KLRG1: variants seen among roughly 807,000 people sequenced by gnomAD.
KLRG1 encodes killer cell lectin like receptor G1, also known as killer cell lectin-like receptor subfamily G member 1.
Under a neutral mutation model 21.8 loss-of-function variants are expected in KLRG1, and 16 were observed. The ratio of observed to expected loss-of-function variants is 0.73; its 90% CI spans 0.50 to 1.11. The LOEUF is 1.11. Among genes scored for constraint, KLRG1 ranks in the 50% most tolerant of loss-of-function variants. The pLI, the probability that KLRG1 is intolerant of heterozygous loss-of-function variation, is 0.00. For synonymous variants in KLRG1, 69 were observed against 75.9 expected (o/e 0.91, Z 0.47); for missense variants, 173 against 218.3 (o/e 0.79, Z 1.31).
the KLRG1 span, chr12:9,160,339 G>C: frequency 2.5e-6 from 4 of 1,613,718 alleles, no homozygotes; most frequent in East Asian, 6.7e-5. Flanking sequence ...CAACGGCCTT[G>C]GCCTTGATCT....
chr12:9,016,909 C>T, the KLRG1 span, among the ~76,000 whole-genome samples: 1 of 152,044 alleles, frequency 6.6e-6, no homozygotes, highest in African/African-American at 2.4e-5. Flanking sequence ...ACACTGTGCC[C>T]AGCCCTCAAA....
chr12:9,147,463 C>T, the KLRG1 span, among the ~76,000 whole-genome samples: 1 of 152,122 alleles, frequency 6.6e-6, no homozygotes, highest in Non-Finnish European at 1.5e-5. Flanking sequence ...TGTTTTTTAG[C>T]CTCTCATAAG....
the KLRG1 span, chr12:9,090,515 G>A: frequency 6.2e-7 from 1 of 1,608,002 alleles, no homozygotes. Flanking sequence ...GAGTAGAGAG[G>A]GAAGGAGAAC....
chr12:9,013,256 C>G (rs118101331), downstream of KLRG1, among the ~76,000 whole-genome samples: 43 of 152,256 alleles, frequency 2.8e-4, no homozygotes, highest in East Asian at 7.5e-3. Flanking sequence ...AGGATGGGTA[C>G]AAACAAACCC....
At chr12:8,950,420 A>G (rs958255503) in intron 1 of KLRG1, among the ~76,000 whole-genome samples, 1 of 152,182 alleles carries the variant, frequency 6.6e-6, no homozygotes, top group Non-Finnish European at 1.5e-5. Flanking sequence ...GATCTTTTGT[A>G]GGTTCCTTAT....
chr12:9,077,006 C>T, the KLRG1 span: 23 of 1,417,286 alleles, frequency 1.6e-5, no homozygotes, highest in Middle Eastern at 2.6e-4. Context: ...GGCAAATACA[C>T]GGATCACAGC....
At chr12:8,954,071 A>G (rs1946248896) in intron 1 of KLRG1, among the ~76,000 whole-genome samples, 1 of 152,042 alleles carries the variant, frequency 6.6e-6, no homozygotes, top group Non-Finnish European at 1.5e-5. Context: ...TGTCCATATG[A>G]TTTTTTGAGG....
At chr12:9,024,018 A>ATTTTTTTTT in the KLRG1 span, among the ~76,000 whole-genome samples, 22 of 70,936 alleles carry the variant, frequency 3.1e-4, 4 homozygotes, top group African/African-American at 1.1e-3. Flanking sequence ...GAACACATGG[A>ATTTTTTTTT]TTTTTTTTTT....
the KLRG1 span, among the ~76,000 whole-genome samples, chr12:9,081,362 G>A: frequency 2.0e-5 from 3 of 152,108 alleles, no homozygotes; most frequent in Non-Finnish European, 2.9e-5. Flanking sequence ...CTATGGAAAT[G>A]TATCCTGGTG....
At chr12:9,207,150 T>C in the KLRG1 span, among the ~76,000 whole-genome samples, 1 of 152,170 alleles carries the variant, frequency 6.6e-6, no homozygotes, top group East Asian at 1.9e-4. Flanking sequence ...CTATTTGTGT[T>C]AGATGGATAA....
At chr12:9,077,296 T>G in the KLRG1 span, 1 of 1,527,622 alleles carries the variant, frequency 6.5e-7, no homozygotes, top group Non-Finnish European at 9.0e-7. Flanking sequence ...GGTCAGCAGT[T>G]TCATTGCATC....
the KLRG1 span, among the ~76,000 whole-genome samples, chr12:9,174,061 C>A: frequency 6.6e-6 from 1 of 152,124 alleles, no homozygotes; most frequent in Non-Finnish European, 1.5e-5. Flanking sequence ...TGATGAACAT[C>A]GATGCAAAAA....
At chr12:9,162,238 A>T in the KLRG1 span, 1 of 175,760 alleles carries the variant, frequency 5.7e-6, no homozygotes, top group Non-Finnish European at 1.2e-5. Context: ...CTGGGATTAC[A>T]AATGTGAGCC....
the KLRG1 span, among the ~76,000 whole-genome samples, chr12:9,107,257 G>T: frequency 1.3e-5 from 2 of 152,088 alleles, no homozygotes; most frequent in African/African-American, 2.4e-5. Context: ...GAGGTGTATG[G>T]TTTTTTCCTT....
the KLRG1 span, chr12:9,192,123 T>G: frequency 7.6e-7 from 1 of 1,319,548 alleles, no homozygotes; most frequent in African/African-American, 1.4e-5. Context: ...TTCCCATTTA[T>G]GAACTGTCAC....
At chr12:9,060,064 G>A in the KLRG1 span, among the ~76,000 whole-genome samples, 1 of 142,118 alleles carries the variant, frequency 7.0e-6, no homozygotes, top group Non-Finnish European at 1.5e-5. Context: ...GAGTGCAGTG[G>A]CGTGATCTCG....
chr12:9,195,079 C>T, the KLRG1 span, among the ~76,000 whole-genome samples: 1 of 151,764 alleles, frequency 6.6e-6, no homozygotes, highest in African/African-American at 2.4e-5. Flanking sequence ...TAAAAATAGC[C>T]AGAAGAGAAT....
At chr12:9,109,546 A>T in the KLRG1 span, 133 of 672,048 alleles carry the variant, frequency 2.0e-4, no homozygotes, top group East Asian at 3.5e-3. Flanking sequence ...ATTCTTATCT[A>T]TCCTCCTCTC....
the KLRG1 span, among the ~76,000 whole-genome samples, chr12:9,210,933 G>A: frequency 1.9e-3 from 283 of 152,228 alleles, no homozygotes; most frequent in African/African-American, 5.5e-3. Context: ...CCTGCCATGA[G>A]GAAATAATGC....
Sources: allele counts gnomAD v4.1 joint callset (sites outside exome capture counted in the v4.1 genomes callset), GRCh38; gene constraint gnomAD v4.1.1; transcripts MANE v1.5; gene names NCBI Gene and HGNC (gene_info 2026-07-23, HGNC 2026-07-21).